The following DEPTOR variants were observed in gnomAD, a reference collection of about 807,000 sequenced individuals.
DEPTOR encodes the protein DEP domain-containing mTOR-interacting protein.
Under a neutral mutation model 41.6 loss-of-function variants are expected in DEPTOR, and 41 were observed. The observed-to-expected ratio is 0.98, with a 90% CI of 0.77 to 1.28. DEPTOR has a LOEUF of 1.28. Ranked by LOEUF, DEPTOR falls within the 50% of genes most tolerant of loss-of-function variation. The pLI, the probability that DEPTOR is intolerant of heterozygous loss-of-function variation, is 0.00. For synonymous variants in DEPTOR, 195 were observed against 192.3 expected (o/e 1.01, Z -0.12); for missense variants, 514 against 527.9 (o/e 0.97, Z 0.26).
At chr8:120,005,731 T>A (rs1394128547) in intron 6 of DEPTOR, among the ~76,000 whole-genome samples, 1 of 152,146 alleles carries the variant, frequency 6.6e-6, no homozygotes, top group Non-Finnish European at 1.5e-5. Flanking sequence ...CCTCTCCAGT[T>A]CTTAGTGAGC....
At chr8:119,974,553 C>G (rs916073088) in intron 4 of DEPTOR, among the ~76,000 whole-genome samples, 7 of 152,150 alleles carry the variant, frequency 4.6e-5, no homozygotes, top group Non-Finnish European at 8.8e-5. Flanking sequence ...GAGAGAATCA[C>G]TTGAGGCCAA....
intron 2 of DEPTOR, 145 bp downstream of exon 2, chr8:119,928,723 A>T: frequency 4.9e-5 from 38 of 773,650 alleles, no homozygotes; most frequent in Non-Finnish European, 6.8e-5. Flanking sequence ...TCCTGCCTCT[A>T]AGAGGCATTT....
chr8:120,045,283 C>A (rs1310330964), intron 8 of DEPTOR, among the ~76,000 whole-genome samples: 1 of 152,184 alleles, frequency 6.6e-6, no homozygotes, highest in African/African-American at 2.4e-5. Flanking sequence ...TAGTCACAAA[C>A]TTTGGCATTT....
At chr8:119,931,493 G>A (rs1828042904) in intron 3 of DEPTOR, among the ~76,000 whole-genome samples, 1 of 152,168 alleles carries the variant, frequency 6.6e-6, no homozygotes, top group Admixed American at 6.5e-5. Context: ...TCTCTGGTGT[G>A]TAGTAAGACC....
At chr8:119,986,191 C>T (rs1415394348) in intron 4 of DEPTOR, among the ~76,000 whole-genome samples, 3 of 152,014 alleles carry the variant, frequency 2.0e-5, no homozygotes, top group African/African-American at 4.8e-5. Context: ...ATATTTAGTG[C>T]TTCCTTCAGG....
chr8:119,897,158 T>C (rs1827530636), intron 1 of DEPTOR, among the ~76,000 whole-genome samples: 1 of 152,176 alleles, frequency 6.6e-6, no homozygotes, highest in African/African-American at 2.4e-5. Flanking sequence ...CATGAAACTC[T>C]AGAAAAATGC....
intron 5 of DEPTOR, among the ~76,000 whole-genome samples, 186 bp from the exon 6 acceptor site, chr8:120,002,791 A>AAAAAAAATATATATAT: frequency 4.0e-4 from 24 of 60,666 alleles, no homozygotes; most frequent in South Asian, 1.4e-3. Context: ...AAAAAAAAAA[A>AAAAAAAATATATATAT]ATATATATAT....
intron 4 of DEPTOR, among the ~76,000 whole-genome samples, chr8:119,987,731 T>C (rs1298181218): frequency 6.6e-6 from 1 of 152,134 alleles, no homozygotes; most frequent in East Asian, 1.9e-4. Context: ...GCCCTGCCTC[T>C]AGAGAGGCAG....
At chr8:119,911,311 C>CTTTTTTT (rs147066045) in intron 1 of DEPTOR, among the ~76,000 whole-genome samples, 1 of 105,476 alleles carries the variant, frequency 9.5e-6, no homozygotes, top group Non-Finnish European at 1.8e-5. Flanking sequence ...TACACACATT[C>CTTTTTTT]TTTTTTTTTT....
chr8:119,883,596 T>C (rs1052981261), intron 1 of DEPTOR, among the ~76,000 whole-genome samples: 2 of 151,492 alleles, frequency 1.3e-5, no homozygotes, highest in Admixed American at 1.3e-4. Flanking sequence ...GGGAAGCCCG[T>C]GGCAGCTGCA....
intron 4 of DEPTOR, among the ~76,000 whole-genome samples, chr8:119,995,494 G>A (rs566489074): frequency 1.3e-5 from 2 of 151,818 alleles, no homozygotes; most frequent in East Asian, 3.9e-4. Flanking sequence ...ACTAAGGCAG[G>A]AGAGTCACTT....
chr8:119,940,941 C>A (rs1007471558), intron 3 of DEPTOR, among the ~76,000 whole-genome samples: 20 of 151,706 alleles, frequency 1.3e-4, no homozygotes, highest in African/African-American at 4.6e-4. Flanking sequence ...TTGCTAGGAG[C>A]AGGGGAAAGG....
At chr8:119,889,997 C>A (rs1827430990) in intron 1 of DEPTOR, among the ~76,000 whole-genome samples, 1 of 152,172 alleles carries the variant, frequency 6.6e-6, no homozygotes, top group Admixed American at 6.6e-5. Context: ...CGGAGTCTCA[C>A]TCTGTTGCCC....
chr8:119,950,450 C>T (rs1828337449), intron 3 of DEPTOR, among the ~76,000 whole-genome samples: 1 of 152,016 alleles, frequency 6.6e-6, no homozygotes, highest in Non-Finnish European at 1.5e-5. Context: ...AAGTCTTGCT[C>T]TGTTGCCCAG....
At chr8:119,968,476 A>T (rs1053286189) in intron 4 of DEPTOR, among the ~76,000 whole-genome samples, 3 of 151,768 alleles carry the variant, frequency 2.0e-5, no homozygotes, top group African/African-American at 7.3e-5. Flanking sequence ...TGATTTTTGT[A>T]TTTTTAGTAG....
Position 119,874,094 on chromosome 8 carries a change from G to A in DEPTOR, c.122+126G>A. The A allele has an allele frequency of 3.3e-6, 5 of 1,518,462 alleles. No homozygotes were observed. In the South Asian group the frequency reaches 4.7e-5, roughly 14 times the overall value. 94.1% of individuals were successfully genotyped at this position (1,518,462 alleles called of 1,614,324 possible). Reference sequence around the variant, plus strand: ...CGCGTGGGGCGCCGGAACGGCTGCGGGCGCGTGGATGGTCCTCGGTGCGCC... The same window carrying A: ...CGCGTGGGGCGCCGGAACGGCTGCGAGCGCGTGGATGGTCCTCGGTGCGCC... On this transcript the variant is annotated intron_variant, in intron 1 of 8. Coordinates refer to ENST00000286234, the MANE Select transcript of DEPTOR (RefSeq NM_022783.4).
chr8:119,995,459 G>A (rs1586650045), intron 4 of DEPTOR, among the ~76,000 whole-genome samples: 3 of 151,970 alleles, frequency 2.0e-5, no homozygotes, highest in African/African-American at 7.2e-5. Context: ...GGTGGTAGGT[G>A]CCTATAATCC....
intron 1 of DEPTOR, among the ~76,000 whole-genome samples, chr8:119,876,733 G>A (rs1027904603): frequency 1.3e-5 from 2 of 152,070 alleles, no homozygotes; most frequent in Non-Finnish European, 2.9e-5. Flanking sequence ...GGTAGTTTCT[G>A]ATAGATATGT....
intron 1 of DEPTOR, among the ~76,000 whole-genome samples, chr8:119,920,792 G>A (rs977491950): frequency 8.5e-5 from 13 of 152,104 alleles, no homozygotes; most frequent in Non-Finnish European, 1.6e-4. Context: ...GTTATTATAC[G>A]AGTGCACATG....
Sources: allele counts gnomAD v4.1 joint callset (sites outside exome capture counted in the v4.1 genomes callset), GRCh38; gene constraint gnomAD v4.1.1; transcripts MANE v1.5; gene names NCBI Gene and HGNC (gene_info 2026-07-23, HGNC 2026-07-21).